The following PLA2R1 variants were observed in gnomAD, a reference collection of about 807,000 sequenced individuals.
PLA2R1 encodes phospholipase A2 receptor 1.
A neutral mutation model predicts 195.9 loss-of-function variants in PLA2R1; 158 were observed. That is an observed-to-expected ratio of 0.81 (90% CI 0.71 to 0.92). The LOEUF (loss-of-function observed/expected upper bound fraction) is 0.92. Among genes scored for constraint, PLA2R1 ranks in the 40% least tolerant of loss-of-function variants. The pLI is 0.00. For synonymous variants in PLA2R1, 586 were observed against 598.2 expected (o/e 0.98, Z 0.30); for missense variants, 1,626 against 1,764.6 (o/e 0.92, Z 1.41).
At chr2:160,017,815 C>A (rs1331329510) in intron 8 of PLA2R1, among the ~76,000 whole-genome samples, 1 of 152,100 alleles carries the variant, frequency 6.6e-6, no homozygotes, top group Non-Finnish European at 1.5e-5. Flanking sequence ...AATGTGGAGC[C>A]CTTCCATGAC....
intron 27 of PLA2R1, among the ~76,000 whole-genome samples, chr2:159,945,609 T>C (rs138798476): frequency 0.029 from 4,354 of 152,332 alleles, 93 homozygotes; most frequent in Non-Finnish European, 0.047. Context: ...TGTTGGACAT[T>C]TGGGTTGGTT....
intron 3 of PLA2R1, among the ~76,000 whole-genome samples, chr2:160,041,144 T>C (rs16844706): frequency 0.19 from 29,564 of 152,168 alleles, 3,978 homozygotes; most frequent in East Asian, 0.36. Flanking sequence ...ATTCTACAGA[T>C]ACTTTATAAG....
Position 160,028,859 on chromosome 2 carries a change from A to G in PLA2R1, c.946T>C (p.Trp316Arg). 1 of 1,607,138 alleles carries G rather than the reference A, an allele frequency of 6.2e-7. No homozygotes were observed. The highest frequency in any genetic ancestry group is 8.5e-7 in the Non-Finnish European group (1 of 1,173,466). ...SDGTPLNYLN[W>R]SPEVNFEPFV... ...AAAACACTGCGGGTACCTGGGCTCCAATTCAGATAGTTGAGCGGCGTTCCA... is the reference window on the plus strand; with the variant it reads ...AAAACACTGCGGGTACCTGGGCTCCGATTCAGATAGTTGAGCGGCGTTCCA... Residue 316 changes from tryptophan to arginine, a missense_variant, in exon 5 of 30, where the codon TGG (tryptophan) becomes CGG (arginine). Transcript: ENST00000283243.
chr2:160,053,251 A>G (rs1695325595), intron 1 of PLA2R1, among the ~76,000 whole-genome samples: 1 of 151,846 alleles, frequency 6.6e-6, no homozygotes, highest in Non-Finnish European at 1.5e-5. Context: ...TATACCAGTC[A>G]TAATAGACTA....
chr2:160,053,356 G>T (rs955187334), intron 1 of PLA2R1, among the ~76,000 whole-genome samples: 3 of 150,542 alleles, frequency 2.0e-5, no homozygotes, highest in Non-Finnish European at 3.0e-5. Flanking sequence ...GGTGGGGGGG[G>T]GGGGAACAAT....
chr2:159,955,354 A>G lies in PLA2R1; in HGVS notation c.3154-8T>C, dbSNP rs1208260463. On this transcript the variant is annotated splice_polypyrimidine_tract_variant and splice_region_variant and intron_variant, in intron 22 of 29. Transcript: ENST00000283243. ...GGTATTGTGACTTGGAATCTTTAAA[A>G]TAATACACGTTATCAAAAGTATGAT... The G allele has an allele frequency of 6.4e-7, 1 of 1,557,888 alleles. No homozygotes were observed. Among genetic ancestry groups the G allele is most frequent in the East Asian group, 2.3e-5 (1 of 44,182 alleles).
intron 11 of PLA2R1, among the ~76,000 whole-genome samples, chr2:159,993,235 T>C (rs1690957182): frequency 6.6e-6 from 1 of 152,090 alleles, no homozygotes; most frequent in Non-Finnish European, 1.5e-5. Context: ...AAACCATTTT[T>C]CCTGTTTCAC....
At chr2:160,019,829 G>A (rs1376987366) in intron 8 of PLA2R1, among the ~76,000 whole-genome samples, 1 of 152,004 alleles carries the variant, frequency 6.6e-6, no homozygotes, top group Non-Finnish European at 1.5e-5. Context: ...TTAAGTCCAA[G>A]CTTAAATATT....
chr2:160,027,612 TA>T (rs1337891709), intron 6 of PLA2R1, among the ~76,000 whole-genome samples: 1 of 152,178 alleles, frequency 6.6e-6, no homozygotes, highest in African/African-American at 2.4e-5. Context: ...AATGATTCTT[TA>T]AAAAATGGTT....
At chr2:160,049,468 C>A (rs534465767) in intron 1 of PLA2R1, among the ~76,000 whole-genome samples, 1 of 152,168 alleles carries the variant, frequency 6.6e-6, no homozygotes, top group Non-Finnish European at 1.5e-5. Context: ...AATATCTGTT[C>A]TTTGAAACTG....
At position 159,987,371 on chromosome 2, in the gene PLA2R1, A is replaced by G; in HGVS notation, c.1835-13T>C. On this transcript the variant is annotated splice_polypyrimidine_tract_variant and intron_variant, in intron 11 of 29. Transcript: ENST00000283243. ...CCACCACTGTAGCCTAAAAGCAGAA[A>G]ACAAGCATTTTTAATACCAGACGAC... is the stretch of plus-strand genomic sequence containing the variant. 2 of 1,598,898 alleles carry G rather than the reference A, an allele frequency of 1.3e-6. No homozygotes were observed. The highest frequency in any genetic ancestry group is 1.7e-6 in the Non-Finnish European group (2 of 1,171,370).
In PLA2R1 at chr2:160,004,135, G is replaced by C. The variant is rs185202853; in HGVS notation, c.1834+1517C>G. On this transcript the variant is annotated intron_variant, in intron 11 of 29. Transcript: ENST00000283243. ...GGGAAGGTGAAGAGAAAGATGTAAC[G>C]GAGTACTTCCACATTTTACTTAGCA... Among the ~76,000 whole-genome samples, 4 of 152,242 alleles carry C rather than the reference G, an allele frequency of 2.6e-5. No individual in the cohort carries two copies. The East Asian group carries it at 7.7e-4, about 29-fold the overall frequency.
At chr2:160,042,800 CGTGTGTGTGTGTGT>C (rs111414981) in intron 2 of PLA2R1, among the ~76,000 whole-genome samples, 2,525 of 119,578 alleles carry the variant, frequency 0.021, 90 homozygotes, top group African/African-American at 0.061. Flanking sequence ...TGTGTGTGTG[CGTGTGTGTGTGTGT>C]GTGTGTGTGT....
At chr2:160,049,174 T>G (rs1362276188) in intron 1 of PLA2R1, among the ~76,000 whole-genome samples, 1 of 152,204 alleles carries the variant, frequency 6.6e-6, no homozygotes, top group Non-Finnish European at 1.5e-5. Flanking sequence ...CTATCCTTTT[T>G]TTTTTAAATA....
chr2:159,969,617 C>T (rs1045002515), intron 18 of PLA2R1, among the ~76,000 whole-genome samples: 4 of 152,170 alleles, frequency 2.6e-5, no homozygotes, highest in Admixed American at 6.5e-5. Flanking sequence ...TCTCGGCTCA[C>T]GGCAGCCTCT....
At position 159,934,583 on chromosome 2, in the gene PLA2R1, T is replaced by A. The variant is rs1686727376; in HGVS notation, c.*7195A>T. On this transcript the variant is annotated 3_prime_UTR_variant, in exon 30 of 30. Coordinates refer to ENST00000283243, the MANE Select transcript of PLA2R1 (RefSeq NM_007366.5). ...CAGCCAAAATTTTTTATAATTAGGATGCAATTTTCAGAATATTATAAATAA... is the reference window on the plus strand; with the variant it reads ...CAGCCAAAATTTTTTATAATTAGGAAGCAATTTTCAGAATATTATAAATAA... 6.6e-6 allele frequency: 1 copy of A among 152,220 alleles called. No individual in the cohort carries two copies. The allele number at this position is 152,220 out of a possible 1,614,324, so 9.4% of individuals were successfully genotyped here.
chr2:159,961,282 T>C (rs1199450827), intron 20 of PLA2R1, among the ~76,000 whole-genome samples: 1 of 152,198 alleles, frequency 6.6e-6, no homozygotes, highest in Non-Finnish European at 1.5e-5. Context: ...CCTGCTGTGA[T>C]GATATCCTTT....
Position 159,945,096 on chromosome 2 carries a change from G to A in PLA2R1, c.3968-14C>T, listed in dbSNP as rs1384217821. 6.3e-7 allele frequency: 1 copy of A among 1,591,580 alleles called. No individual in the cohort carries two copies. Among genetic ancestry groups the A allele is most frequent in the Non-Finnish European group, 8.6e-7 (1 of 1,165,418 alleles). ...TTATGGTTTCATCTGTGAGAAAATT[G>A]CTGACTCATTATGAATTATGTGCAT... On this transcript the variant is annotated splice_polypyrimidine_tract_variant and intron_variant, in intron 27 of 29. Coordinates refer to ENST00000283243, the MANE Select transcript of PLA2R1 (RefSeq NM_007366.5).
intron 20 of PLA2R1, among the ~76,000 whole-genome samples, chr2:159,965,597 T>C (rs964882817): frequency 1.3e-5 from 2 of 152,228 alleles, no homozygotes; most frequent in African/African-American, 2.4e-5. Flanking sequence ...AAAGATGTTA[T>C]AAATATTCAT....
Sources: gnomAD v4.1 joint callset for allele counts (sites outside exome capture counted in the v4.1 genomes callset) on GRCh38, gnomAD v4.1.1 for gene constraint, MANE v1.5 for transcripts, NCBI Gene and HGNC (gene_info 2026-07-23, HGNC 2026-07-21) for gene names.